SV2C: variants seen among roughly 807,000 people sequenced by gnomAD.
SV2C encodes the protein synaptic vesicle glycoprotein 2C.
Under a neutral mutation model 79.7 loss-of-function variants are expected in SV2C, and 49 were observed. The observed-to-expected ratio is 0.61, with a 90% CI of 0.49 to 0.78. The LOEUF (loss-of-function observed/expected upper bound fraction) is 0.78. Ranked by LOEUF, SV2C falls within the 30% of genes least tolerant of loss-of-function variation. SV2C has a pLI of 0.00. For synonymous variants in SV2C, 334 were observed against 333.2 expected, an observed-to-expected ratio of 1.00 and a Z score of -0.03; for missense variants, 833 against 912.9, an observed-to-expected ratio of 0.91 and a Z score of 1.13.
chr5:76,030,281 T>TATTTATTTATTTATTTA, the SV2C span, among the ~76,000 whole-genome samples: 24 of 113,378 alleles, frequency 2.1e-4, no homozygotes, highest in African/African-American at 1.0e-3. Context: ...TTTTTTTTTT[T>TATTTATTTATTTATTTA]TTTTTTTTTT....
the SV2C span, among the ~76,000 whole-genome samples, chr5:75,946,185 T>A: frequency 1.3e-5 from 2 of 152,068 alleles, no homozygotes; most frequent in Non-Finnish European, 2.9e-5. Context: ...AGACACATAC[T>A]GCAAACATCA....
chr5:75,882,402 T>G, the SV2C span, among the ~76,000 whole-genome samples: 11,384 of 134,130 alleles, frequency 0.085, 1,110 homozygotes, highest in African/African-American at 0.21. Flanking sequence ...AAAACTACTT[T>G]AAAGTTCATA....
intron 12 of SV2C, among the ~76,000 whole-genome samples, chr5:76,307,264 A>G (rs1748224513): frequency 6.6e-6 from 1 of 152,292 alleles, no homozygotes; most frequent in Admixed American, 6.5e-5. Context: ...ACCTCACTCT[A>G]TAAAATGGGG....
At chr5:76,206,428 G>A (rs1283463456) in intron 3 of SV2C, among the ~76,000 whole-genome samples, 1 of 152,162 alleles carries the variant, frequency 6.6e-6, no homozygotes, top group Admixed American at 6.5e-5. Flanking sequence ...TTGGTCAAGG[G>A]GTGACCACAG....
At chr5:75,975,082 G>A in the SV2C span, among the ~76,000 whole-genome samples, 13 of 152,002 alleles carry the variant, frequency 8.6e-5, no homozygotes, top group African/African-American at 3.1e-4. Flanking sequence ...TTGTCCTAAG[G>A]GTCATTCCAC....
At chr5:76,071,002 G>A in the SV2C span, among the ~76,000 whole-genome samples, 2 of 152,176 alleles carry the variant, frequency 1.3e-5, no homozygotes, top group Non-Finnish European at 2.9e-5. Context: ...GGGACAAGAT[G>A]GAACCCACCA....
chr5:76,065,987 TAGC>T, the SV2C span, among the ~76,000 whole-genome samples: 4 of 152,110 alleles, frequency 2.6e-5, no homozygotes, highest in East Asian at 3.9e-4. Flanking sequence ...ACCCCTCAAA[TAGC>T]AGCACCAGTT....
chr5:76,026,770 T>G, the SV2C span, among the ~76,000 whole-genome samples: 1 of 152,106 alleles, frequency 6.6e-6, no homozygotes, highest in Non-Finnish European at 1.5e-5. Context: ...ATAAAGATGA[T>G]CCTAGGAGAG....
chr5:75,984,323 A>C, the SV2C span, among the ~76,000 whole-genome samples: 1 of 151,852 alleles, frequency 6.6e-6, no homozygotes, highest in Non-Finnish European at 1.5e-5. Context: ...TTTTATAATA[A>C]TAGCAAATAG....
the SV2C span, among the ~76,000 whole-genome samples, chr5:75,968,454 G>GA: frequency 6.6e-6 from 1 of 152,166 alleles, no homozygotes; most frequent in South Asian, 2.1e-4. Flanking sequence ...TGGACGACTA[G>GA]AAAAACCAAT....
intron 1 of SV2C, among the ~76,000 whole-genome samples, chr5:76,120,383 A>G (rs1748443903): frequency 6.9e-6 from 1 of 145,942 alleles, no homozygotes; most frequent in African/African-American, 2.6e-5. Context: ...TATTATTATT[A>G]TACTTTAAGT....
At chr5:76,296,161 G>T (rs67560206) in intron 9 of SV2C, 1 of 337,380 alleles carries the variant, frequency 3.0e-6, no homozygotes, top group East Asian at 6.7e-5. Flanking sequence ...CAGCTAAGTT[G>T]CTTCATATTT....
the SV2C span, among the ~76,000 whole-genome samples, chr5:75,989,465 G>T: frequency 6.6e-6 from 1 of 151,928 alleles, no homozygotes; most frequent in African/African-American, 2.4e-5. Context: ...ATGTGGTCTT[G>T]TTCCTTTTTG....
chr5:76,077,564 T>A, the SV2C span, among the ~76,000 whole-genome samples: 1 of 152,346 alleles, frequency 6.6e-6, no homozygotes, highest in East Asian at 1.9e-4. Flanking sequence ...ACCCTTCTGG[T>A]TCTGGTTGCT....
chr5:76,279,816 T>C (rs571142842), intron 4 of SV2C, among the ~76,000 whole-genome samples: 1 of 152,162 alleles, frequency 6.6e-6, no homozygotes, highest in South Asian at 2.1e-4. Flanking sequence ...GAATGACCCA[T>C]CAAGTAAAGC....
the SV2C span, among the ~76,000 whole-genome samples, chr5:76,014,112 A>G: frequency 6.6e-6 from 1 of 151,132 alleles, no homozygotes; most frequent in Non-Finnish European, 1.5e-5. Flanking sequence ...GAGAGGATGA[A>G]AGAGAAAGAG....
At chr5:76,291,397 G>C in intron 7 of SV2C, 66 bp downstream of exon 7, 1 of 1,309,362 alleles carries the variant, frequency 7.6e-7, no homozygotes, top group Non-Finnish European at 1.1e-6. Context: ...TCAGAAGAGG[G>C]GTTTACTGGG....
At chr5:76,296,673 C>T (rs1184933833) in intron 9 of SV2C, among the ~76,000 whole-genome samples, 1 of 152,034 alleles carries the variant, frequency 6.6e-6, no homozygotes, top group Non-Finnish European at 1.5e-5. Flanking sequence ...AGGAAGTTGT[C>T]CCAATTTCAA....
chr5:76,201,902 C>CA (rs1744454127), intron 3 of SV2C, among the ~76,000 whole-genome samples: 1 of 151,360 alleles, frequency 6.6e-6, no homozygotes, highest in South Asian at 2.1e-4. Flanking sequence ...CCTGTAGTCC[C>CA]AGCCACTCGG....
Sources: gnomAD v4.1 joint callset for allele counts (sites outside exome capture counted in the v4.1 genomes callset) on GRCh38, gnomAD v4.1.1 for gene constraint, MANE v1.5 for transcripts, NCBI Gene and HGNC (gene_info 2026-07-23, HGNC 2026-07-21) for gene names.